The following CNTN1 variants were observed in gnomAD, a reference collection of about 807,000 sequenced individuals.
CNTN1 encodes contactin 1.
A neutral mutation model predicts 126.4 loss-of-function variants in CNTN1; 38 were observed. The ratio of observed to expected loss-of-function variants is 0.30; its 90% CI spans 0.23 to 0.39. The LOEUF (loss-of-function observed/expected upper bound fraction) is 0.39. CNTN1 is among the 10% of genes least tolerant of loss of function. CNTN1 has a pLI of 1.00. For synonymous variants in CNTN1, 413 were observed against 422.6 expected (o/e 0.98, Z 0.28); for missense variants, 1,009 against 1,248.4 (o/e 0.81, Z 2.89).
intron 15 of CNTN1, among the ~76,000 whole-genome samples, chr12:40,966,539 A>C (rs928066651): frequency 1.3e-5 from 2 of 152,198 alleles, no homozygotes; most frequent in Admixed American, 1.3e-4. Flanking sequence ...GGTTATAACA[A>C]ATGCAGAATT....
chr12:40,828,831 G>A (rs919221310), intron 1 of CNTN1, among the ~76,000 whole-genome samples: 2 of 152,176 alleles, frequency 1.3e-5, no homozygotes, highest in African/African-American at 4.8e-5. Flanking sequence ...GTCCTTGAGG[G>A]AAGACCTTGC....
At chr12:40,714,540 T>C (rs1180021311) in intron 1 of CNTN1, among the ~76,000 whole-genome samples, 1 of 152,162 alleles carries the variant, frequency 6.6e-6, no homozygotes, top group Non-Finnish European at 1.5e-5. Flanking sequence ...CAATATTATA[T>C]ATTATTTGCT....
chr12:40,786,720 A>G (rs533154165), intron 1 of CNTN1, among the ~76,000 whole-genome samples: 58 of 152,294 alleles, frequency 3.8e-4, no homozygotes, highest in Middle Eastern at 3.4e-3. Flanking sequence ...AAGCAGAGAA[A>G]CAAGGGAAAG....
At chr12:41,062,328 A>G (rs1023490989) in intron 23 of CNTN1, among the ~76,000 whole-genome samples, 1 of 152,220 alleles carries the variant, frequency 6.6e-6, no homozygotes, top group Non-Finnish European at 1.5e-5. Context: ...TTTGATATAT[A>G]GTTCAAAGAA....
At chr12:40,693,112 C>A (rs1483855487) in intron 1 of CNTN1, among the ~76,000 whole-genome samples, 1 of 152,162 alleles carries the variant, frequency 6.6e-6, no homozygotes, top group Non-Finnish European at 1.5e-5. Context: ...TGTCCCCTGA[C>A]CCCTCTGTTA....
At chr12:40,862,894 C>T (rs1038406426) in intron 1 of CNTN1, among the ~76,000 whole-genome samples, 15 of 152,100 alleles carry the variant, frequency 9.9e-5, no homozygotes, top group African/African-American at 3.4e-4. Flanking sequence ...TAACTGTATA[C>T]ATAATATTTT....
intron 14 of CNTN1, among the ~76,000 whole-genome samples, chr12:40,946,618 G>A (rs1946443001): frequency 6.6e-6 from 1 of 152,014 alleles, no homozygotes; most frequent in African/African-American, 2.4e-5. Context: ...TAATTAACAT[G>A]TTCTAACAAT....
intron 1 of CNTN1, among the ~76,000 whole-genome samples, chr12:40,715,389 A>G (rs1001347757): frequency 6.6e-6 from 1 of 152,128 alleles, no homozygotes; most frequent in East Asian, 1.9e-4. Flanking sequence ...AAAAGAACAA[A>G]ACAGATTCGT....
intron 4 of CNTN1, among the ~76,000 whole-genome samples, chr12:40,921,047 A>G (rs1945422561): frequency 6.6e-6 from 1 of 152,248 alleles, no homozygotes; most frequent in African/African-American, 2.4e-5. Flanking sequence ...TAGATGGTTC[A>G]GGCAGGGACA....
chr12:40,827,178 GT>G (rs34367774), intron 1 of CNTN1, among the ~76,000 whole-genome samples: 25,038 of 145,440 alleles, frequency 0.17, 2,021 homozygotes, highest in Middle Eastern at 0.22. Flanking sequence ...TTTAAAGCCT[GT>G]TTTTTTTTTT....
At chr12:41,064,924 G>A (rs958071881) in intron 23 of CNTN1, among the ~76,000 whole-genome samples, 4 of 152,144 alleles carry the variant, frequency 2.6e-5, no homozygotes, top group African/African-American at 9.7e-5. Flanking sequence ...TATGCAGCCA[G>A]TAAAAGGCAG....
At chr12:40,990,217 T>G (rs754663403) in intron 16 of CNTN1, among the ~76,000 whole-genome samples, 3 of 152,188 alleles carry the variant, frequency 2.0e-5, no homozygotes, top group Non-Finnish European at 4.4e-5. Context: ...AGAAGAAGAA[T>G]AATTGGGTTT....
intron 23 of CNTN1, among the ~76,000 whole-genome samples, chr12:41,037,452 T>C (rs952469031): frequency 6.6e-6 from 1 of 152,082 alleles, no homozygotes; most frequent in African/African-American, 2.4e-5. Context: ...AGTAATATGC[T>C]TATGCTGTGG....
At chr12:40,757,802 T>C (rs1384872247) in intron 1 of CNTN1, among the ~76,000 whole-genome samples, 1 of 152,192 alleles carries the variant, frequency 6.6e-6, no homozygotes, top group Non-Finnish European at 1.5e-5. Flanking sequence ...TATCTTAAGT[T>C]AGTCTTTCTT....
intron 14 of CNTN1, among the ~76,000 whole-genome samples, chr12:40,946,300 T>C (rs1006572431): frequency 6.6e-6 from 1 of 152,114 alleles, no homozygotes; most frequent in Non-Finnish European, 1.5e-5. Flanking sequence ...GCTTCTAGGA[T>C]TGTTAATAGA....
rs1299244320 is a variant in CNTN1, at chr12:41,056,862, A to ATTATAAATATTTGGATAT, written c.2981-13085_2981-13068dup. On this transcript the variant is annotated intron_variant, in intron 23 of 23. Coordinates refer to ENST00000551295, the MANE Select transcript of CNTN1 (RefSeq NM_001843.4). ...TAACATTTAGATCATAATTTATTAT[A>ATTATAAATATTTGGATAT]TTATAAATATTTGGATATTTATAAA... Among the ~76,000 whole-genome samples, 750 of 145,500 alleles carry ATTATAAATATTTGGATAT rather than the reference A, an allele frequency of 5.2e-3. 53 individuals are homozygous for ATTATAAATATTTGGATAT. Among genetic ancestry groups the ATTATAAATATTTGGATAT allele is most frequent in the Admixed American group, 0.013 (182 of 14,010 alleles).
chr12:40,860,789 A>T (rs975565883), intron 1 of CNTN1, among the ~76,000 whole-genome samples: 2 of 152,104 alleles, frequency 1.3e-5, no homozygotes, highest in Non-Finnish European at 2.9e-5. Context: ...ATTTTAATGG[A>T]AAGTTATTAC....
Position 40,972,689 on chromosome 12 carries a change from T to C in CNTN1, c.1805-8220T>C, listed in dbSNP as rs555940723. ...AATTACTGTTCCAAAAGGAGCTATC[T>C]TAGAACTTAGACTAGAGATCCAGAT... is the stretch of plus-strand genomic sequence containing the variant. On this transcript the variant is annotated intron_variant, in intron 15 of 23. Coordinates refer to ENST00000551295, the MANE Select transcript of CNTN1 (RefSeq NM_001843.4). The C allele has an allele frequency of 4.2e-6, 4 of 961,100 alleles. No homozygotes were observed. The African/African-American group carries it at 7.1e-5, about 17-fold the overall frequency. The allele number at this position is 961,100 out of a possible 1,614,324, so 59.5% of individuals were successfully genotyped here. A position where few individuals can be genotyped will look rare whatever the true frequency, so the allele number is the denominator to read the frequency against.
Position 40,943,583 on chromosome 12 carries a change from T to G in CNTN1, c.1380-14T>G, listed in dbSNP as rs374938536. ...AATCAGGTTTGTGAATTATATATAT[T>G]TTTATTTCACTAGAATACTCATTTG... On this transcript the variant is annotated splice_polypyrimidine_tract_variant and intron_variant, in intron 12 of 23. Transcript: ENST00000551295. The G allele has an allele frequency of 4.3e-5, 66 of 1,537,156 alleles. No individual in the cohort carries two copies. The East Asian group carries it at 6.1e-4, about 14-fold the overall frequency.
Sources: allele counts gnomAD v4.1 joint callset (sites outside exome capture counted in the v4.1 genomes callset), GRCh38; gene constraint gnomAD v4.1.1; transcripts MANE v1.5; gene names NCBI Gene and HGNC (gene_info 2026-07-23, HGNC 2026-07-21).